Variants in TSPAN15 observed in about 807,000 individuals in gnomAD.
TSPAN15 encodes the protein tetraspanin-15.
In TSPAN15, 20 loss-of-function variants were observed where a neutral mutation model predicts 34.5. That is an observed-to-expected ratio of 0.58 (90% CI 0.41 to 0.84). The LOEUF (loss-of-function observed/expected upper bound fraction) is 0.84. TSPAN15 is among the 40% of genes least tolerant of loss of function. The pLI is 0.00. For synonymous variants in TSPAN15, 155 were observed against 153.9 expected (o/e 1.01, Z -0.05); for missense variants, 313 against 386.1 (o/e 0.81, Z 1.59).
chr10:69,497,582 ACAGCACCTTTCCATC>A (rs1165750658), intron 4 of TSPAN15, among the ~76,000 whole-genome samples: 3 of 152,046 alleles, frequency 2.0e-5, no homozygotes, highest in Non-Finnish European at 4.4e-5. Flanking sequence ...TCCAGGTTGC[ACAGCACCTTTCCATC>A]CAGTGCTCAC....
rs368095446 is a variant in TSPAN15 at position 69,453,304 on chromosome 10, A to T, written c.96+1614A>T. On this transcript the variant is annotated intron_variant, in intron 1 of 7. Transcript: ENST00000373290. Reference sequence around the variant, plus strand: ...TATTTATTTAAATTTACATAAGCTTAATTGTAGTAAATTACTTACTAGAAT... The same window carrying T: ...TATTTATTTAAATTTACATAAGCTTTATTGTAGTAAATTACTTACTAGAAT... 6.4e-4 allele frequency among the ~76,000 whole-genome samples: 97 copies of T among 152,210 alleles called. 2 individuals carry two copies. The South Asian group carries it at 0.02, about 31-fold the overall frequency.
At chr10:69,542,675 G>T in the TSPAN15 span, among the ~76,000 whole-genome samples, 1 of 152,144 alleles carries the variant, frequency 6.6e-6, no homozygotes, top group South Asian at 2.1e-4. Context: ...TGTGGCAGGG[G>T]GGAGCCCCTC....
the TSPAN15 span, among the ~76,000 whole-genome samples, chr10:69,542,855 G>A: frequency 2.1e-3 from 320 of 152,290 alleles, no homozygotes; most frequent in South Asian, 2.3e-3. Flanking sequence ...AAGCCATATC[G>A]AGCAGTAAAT....
chr10:69,528,869 G>T, the TSPAN15 span, among the ~76,000 whole-genome samples: 1 of 147,840 alleles, frequency 6.8e-6, no homozygotes, highest in African/African-American at 2.5e-5. Context: ...CCTCAGAGGG[G>T]AGGAAGTATA....
intron 1 of TSPAN15, among the ~76,000 whole-genome samples, chr10:69,456,106 G>A (rs1218052730): frequency 1.7e-5 from 2 of 116,416 alleles, no homozygotes; most frequent in Admixed American, 8.9e-5. Flanking sequence ...TTTTTTTTTT[G>A]AGACAGAGCC....
At chr10:69,482,222 C>A (rs546781325) in intron 1 of TSPAN15, among the ~76,000 whole-genome samples, 1 of 152,148 alleles carries the variant, frequency 6.6e-6, no homozygotes, top group African/African-American at 2.4e-5. Context: ...CCTTTGCAGG[C>A]GGCAACTGAG....
chr10:69,452,874 C>T (rs1334108304), intron 1 of TSPAN15, among the ~76,000 whole-genome samples: 1 of 152,222 alleles, frequency 6.6e-6, no homozygotes, highest in African/African-American at 2.4e-5. Context: ...TCCTTAGCCC[C>T]TTGCTGGGTC....
intron 1 of TSPAN15, among the ~76,000 whole-genome samples, chr10:69,476,137 G>T (rs760733599): frequency 6.6e-6 from 1 of 152,086 alleles, no homozygotes; most frequent in African/African-American, 2.4e-5. Context: ...GTGTATGGAA[G>T]ATTCGAGATC....
chr10:69,547,783 G>T, the TSPAN15 span, among the ~76,000 whole-genome samples: 1 of 152,196 alleles, frequency 6.6e-6, no homozygotes, highest in African/African-American at 2.4e-5. Context: ...CCCTCTGTCT[G>T]CCTCCTCAGG....
the TSPAN15 span, among the ~76,000 whole-genome samples, chr10:69,541,844 G>A: frequency 0.19 from 28,869 of 152,156 alleles, 3,021 homozygotes; most frequent in East Asian, 0.31. Context: ...GGGATGCACT[G>A]GTCCCCCAAA....
At chr10:69,501,559 G>C (rs1052469580) in intron 5 of TSPAN15, among the ~76,000 whole-genome samples, 10 of 152,212 alleles carry the variant, frequency 6.6e-5, no homozygotes, top group Non-Finnish European at 1.5e-4. Flanking sequence ...AACTAAAATA[G>C]CATTAAAAAT....
chr10:69,547,554 A>C, the TSPAN15 span, among the ~76,000 whole-genome samples: 6 of 152,222 alleles, frequency 3.9e-5, no homozygotes, highest in African/African-American at 1.4e-4. Context: ...ATATCAGTGC[A>C]TCATTTTATG....
Position 69,507,623 on chromosome 10 carries a change from C to T in TSPAN15, c.*645C>T. 7.7e-7 allele frequency: 1 copy of T among 1,292,418 alleles called. No homozygotes were observed. 80.1% of individuals were successfully genotyped at this position (1,292,418 alleles called of 1,614,324 possible). A position where few individuals can be genotyped will look rare whatever the true frequency, so the allele number is the denominator to read the frequency against. ...GTCTTATTCTTGCCCTTCCCCCAAC[C>T]AGTTTGTTAATCAAACAATAAAAAC... On this transcript the variant is annotated 3_prime_UTR_variant, in exon 8 of 8. Coordinates refer to ENST00000373290, the MANE Select transcript of TSPAN15 (RefSeq NM_012339.5).
At chr10:69,499,019 T>C (rs950095186) in intron 5 of TSPAN15, among the ~76,000 whole-genome samples, 8 of 152,324 alleles carry the variant, frequency 5.3e-5, no homozygotes, top group Admixed American at 5.2e-4. Context: ...GGGGGTCTGG[T>C]GACGTAAATG....
chr10:69,507,467 G>A lies in TSPAN15; in HGVS notation c.*489G>A. 7.7e-7 allele frequency: 1 copy of A among 1,302,370 alleles called. No individual in the cohort carries two copies. The highest frequency in any genetic ancestry group is 1.2e-5 in the South Asian group (1 of 80,586). 80.7% of individuals were successfully genotyped at this position (1,302,370 alleles called of 1,614,324 possible). On this transcript the variant is annotated 3_prime_UTR_variant, in exon 8 of 8. Coordinates refer to ENST00000373290, the MANE Select transcript of TSPAN15 (RefSeq NM_012339.5). ...AGGTTGGCCTCTTCTCAGCCTCCCA[G>A]GTGCCTTGAGCCCTCTTGCAAGGGC...
intron 1 of TSPAN15, among the ~76,000 whole-genome samples, chr10:69,480,034 G>A (rs1471916554): frequency 6.6e-6 from 1 of 152,254 alleles, no homozygotes; most frequent in African/African-American, 2.4e-5. Context: ...TAACAGCAGA[G>A]AGTGAGATCA....
the TSPAN15 span, among the ~76,000 whole-genome samples, chr10:69,544,575 C>T: frequency 1.3e-3 from 201 of 152,340 alleles, no homozygotes; most frequent in African/African-American, 4.5e-3. Context: ...GTGGGTGTGG[C>T]GGCTTCACGG....
At chr10:69,481,103 A>G (rs1295067503) in intron 1 of TSPAN15, among the ~76,000 whole-genome samples, 2 of 152,192 alleles carry the variant, frequency 1.3e-5, no homozygotes, top group Admixed American at 1.3e-4. Context: ...TTGGAGCATG[A>G]CTGTGTCTGT....
intron 3 of TSPAN15, among the ~76,000 whole-genome samples, chr10:69,492,088 T>G (rs1841980474): frequency 1.3e-5 from 2 of 152,246 alleles, no homozygotes; most frequent in African/African-American, 4.8e-5. Context: ...GCTTACTCTT[T>G]GCTTAATTTA....
Sources: gnomAD v4.1 joint callset for allele counts (sites outside exome capture counted in the v4.1 genomes callset) on GRCh38, gnomAD v4.1.1 for gene constraint, MANE v1.5 for transcripts, NCBI Gene and HGNC (gene_info 2026-07-23, HGNC 2026-07-21) for gene names.